The following TMF1 variants were observed in gnomAD, a reference collection of about 807,000 sequenced individuals.
The protein encoded by TMF1 is TATA element modulatory factor 1.
A neutral mutation model predicts 126.5 loss-of-function variants in TMF1; 71 were observed. The observed-to-expected ratio is 0.56, with a 90% CI of 0.46 to 0.68. TMF1 has a LOEUF of 0.68. Among genes scored for constraint, TMF1 ranks in the 30% least tolerant of loss-of-function variants. The pLI is 0.00. For synonymous variants in TMF1, 461 were observed against 430.5 expected, an observed-to-expected ratio of 1.07 and a Z score of -0.88; for missense variants, 1,259 against 1,253.2, an observed-to-expected ratio of 1.00 and a Z score of -0.07.
chr3:69,025,665 A>G lies in TMF1; in HGVS notation c.2907T>C (p.Asn969=), dbSNP rs1172088012. ...TTACAGCATCATAAAGATTGCTTCC[A>G]TTTGCTGATATAGGCATTGGTCCAA... ...HSFGPMPISA[N]GSNLYDAVRM... is the part of the protein sequence containing the mutation. Residue 969 remains asparagine, a synonymous_variant, in exon 15 of 17, where the codon AAT becomes AAC. Transcript: ENST00000398559. 1 of 1,614,044 alleles carries G rather than the reference A, an allele frequency of 6.2e-7. No homozygotes were observed. The highest frequency in any genetic ancestry group is 8.5e-7 in the Non-Finnish European group (1 of 1,179,956).
chr3:69,047,120 CT>C (rs1455123144), intron 2 of TMF1, among the ~76,000 whole-genome samples: 1 of 152,138 alleles, frequency 6.6e-6, no homozygotes, highest in African/African-American at 2.4e-5. Flanking sequence ...AAGATGAAAA[CT>C]TTCATGCTTA....
At chr3:69,043,905 G>T (rs745986945) in intron 3 of TMF1, 29 bp from the exon 4 acceptor site, 1 of 1,577,770 alleles carries the variant, frequency 6.3e-7, no homozygotes, top group Non-Finnish European at 8.6e-7. Flanking sequence ...TTGAGAATGA[G>T]GATGGTGTCT....
In TMF1 at chr3:69,022,598, C is replaced by G. The variant is rs1575805698; in HGVS notation, c.*579G>C. 6.6e-6 allele frequency: 1 copy of G among 152,504 alleles called. No individual in the cohort carries two copies. The allele number at this position is 152,504 out of a possible 1,614,324, so 9.4% of individuals were successfully genotyped here. A position where few individuals can be genotyped will look rare whatever the true frequency, so the allele number is the denominator to read the frequency against. On this transcript the variant is annotated 3_prime_UTR_variant, in exon 17 of 17. Transcript: ENST00000398559. The stretch of plus-strand genomic sequence containing the variant: ...TTTTTTTAAGTTTAAATCATTCACT[C>G]TTTAAATTTCAGACAGTGTCAGTGT...
intron 5 of TMF1, 168 bp downstream of exon 5, chr3:69,042,639 A>G (rs1359628553): frequency 1.4e-6 from 1 of 706,202 alleles, no homozygotes; most frequent in South Asian, 1.5e-5. Context: ...CTCTGTCTCA[A>G]TATATCTTAT....
intron 10 of TMF1, among the ~76,000 whole-genome samples, chr3:69,031,639 A>C (rs2091803387): frequency 6.6e-6 from 1 of 152,222 alleles, no homozygotes; most frequent in East Asian, 1.9e-4. Flanking sequence ...AAAAATTTTC[A>C]ATTGAAAAAA....
intron 3 of TMF1, 143 bp from the exon 4 acceptor site, chr3:69,044,019 A>C: frequency 1.9e-6 from 1 of 529,094 alleles, no homozygotes; most frequent in African/African-American, 2.0e-5. Flanking sequence ...ATTAACTTTT[A>C]AGAAAAAAAA....
rs2091904415 is a variant in TMF1 at position 69,047,859 on chromosome 3, T to G, written c.846A>C (p.Ser282=). ...TCTGCATCAAGTGAAGACTTGATTT[T>G]GAATCTGTAGTCTCTTGTCTCGAGC... is the stretch of plus-strand genomic sequence containing the variant. ...SASSRQETTD[S]KSSLHLMQTS... The change falls in exon 2 of 17, where the codon TCA becomes TCC. Residue 282 remains serine (S), a synonymous_variant. Coordinates refer to ENST00000398559, the MANE Select transcript of TMF1 (RefSeq NM_007114.3). 1 of 1,614,064 alleles carries G rather than the reference T, an allele frequency of 6.2e-7. No homozygotes were observed.
In TMF1 at chr3:69,052,267, G is replaced by A; in HGVS notation, c.-181C>T. The A allele has an allele frequency of 1.7e-6, 1 of 576,444 alleles. No homozygotes were observed. Among genetic ancestry groups the A allele is most frequent in the Non-Finnish European group, 2.9e-6 (1 of 348,044 alleles). 35.7% of individuals were successfully genotyped at this position (576,444 alleles called of 1,614,324 possible). A position where few individuals can be genotyped will look rare whatever the true frequency, so the allele number is the denominator to read the frequency against. On this transcript the variant is annotated 5_prime_UTR_variant, in exon 1 of 17. Coordinates refer to ENST00000398559, the MANE Select transcript of TMF1 (RefSeq NM_007114.3). ...TGTTACCCTCGGCCGTTCCCGCACAGCTGAGACGAAGGGGGCCCATGTGCG... is the reference window on the plus strand; with the variant it reads ...TGTTACCCTCGGCCGTTCCCGCACAACTGAGACGAAGGGGGCCCATGTGCG...
At chr3:69,050,157 G>A (rs765967390) in intron 1 of TMF1, among the ~76,000 whole-genome samples, 3 of 151,894 alleles carry the variant, frequency 2.0e-5, no homozygotes, top group Non-Finnish European at 4.4e-5. Flanking sequence ...CTACTCGGGA[G>A]GTTGAGGCAC....
chr3:69,024,266 TGG>T lies in TMF1; in HGVS notation c.3013-88_3013-87del. The T allele has an allele frequency of 9.2e-6, 11 of 1,192,458 alleles. No individual in the cohort carries two copies. The East Asian group carries it at 1.4e-4, about 15-fold the overall frequency. 73.9% of individuals were successfully genotyped at this position (1,192,458 alleles called of 1,614,324 possible). A position where few individuals can be genotyped will look rare whatever the true frequency, so the allele number is the denominator to read the frequency against. On this transcript the variant is annotated intron_variant, in intron 15 of 16. Coordinates refer to ENST00000398559, the MANE Select transcript of TMF1 (RefSeq NM_007114.3). ...AATATAAAAATATTTAATGTGTGTG[TGG>T]TTTTTTTTTTTTTTTTGAAATAGAC... is the stretch of plus-strand genomic sequence containing the variant.
Position 69,048,055 on chromosome 3 carries a change from G to A in TMF1, c.650C>T (p.Ser217Phe). The A allele has an allele frequency of 6.2e-7, 1 of 1,614,090 alleles. No homozygotes were observed. The highest frequency in any genetic ancestry group is 1.7e-5 in the Admixed American group (1 of 60,022). Reference sequence around the variant, plus strand: ...TATGTCCTTTGTTTCTGCTGTGAGAGACTGCGTAGACGTATTAGATATACT... The same window carrying A: ...TATGTCCTTTGTTTCTGCTGTGAGAAACTGCGTAGACGTATTAGATATACT... ...MESISNTSTQ[S>F]LTAETKDIAL... The change falls in exon 2 of 17, where the codon TCT (serine) becomes TTT (phenylalanine). Residue 217 changes from serine to phenylalanine, a missense_variant. By Grantham distance (155) the Ser-to-Phe change is radical. Transcript: ENST00000398559.
At position 69,023,092 on chromosome 3, in the gene TMF1, A is replaced by G. The variant is rs1425833205; in HGVS notation, c.*85T>C. The G allele has an allele frequency of 7.5e-7, 1 of 1,332,800 alleles. No individual in the cohort carries two copies. 82.6% of individuals were successfully genotyped at this position (1,332,800 alleles called of 1,614,324 possible). ...ACAGTAAATCCCACTTTCTAATTCT[A>G]TAAAAGAATTTATTGGAAGTCCACA... On this transcript the variant is annotated 3_prime_UTR_variant, in exon 17 of 17. Transcript: ENST00000398559.
At chr3:69,051,270 A>C (rs1159325388) in intron 1 of TMF1, among the ~76,000 whole-genome samples, 1 of 152,028 alleles carries the variant, frequency 6.6e-6, no homozygotes, top group Non-Finnish European at 1.5e-5. Context: ...TTAAGTCAGG[A>C]GTTCCACCAG....
At chr3:69,049,857 G>T (rs530684331) in intron 1 of TMF1, among the ~76,000 whole-genome samples, 2 of 152,072 alleles carry the variant, frequency 1.3e-5, no homozygotes, top group African/African-American at 4.8e-5. Context: ...ATTAAAATGT[G>T]GCTGAACAAA....
intron 3 of TMF1, 72 bp from the exon 4 acceptor site, chr3:69,043,948 TC>T: frequency 7.8e-7 from 1 of 1,275,654 alleles, no homozygotes; most frequent in Non-Finnish European, 1.1e-6. Context: ...AGTTCAATTC[TC>T]AAAAGGAAGA....
intron 10 of TMF1, among the ~76,000 whole-genome samples, chr3:69,031,728 T>TA (rs1260722077): frequency 6.6e-6 from 1 of 152,200 alleles, no homozygotes. Flanking sequence ...GAGCTAGTAA[T>TA]ACCTCTATTT....
chr3:69,047,501 G>C lies in TMF1; in HGVS notation c.1204C>G (p.Pro402Ala). The C allele has an allele frequency of 6.2e-7, 1 of 1,614,180 alleles. No individual in the cohort carries two copies. Among genetic ancestry groups the C allele is most frequent in the Non-Finnish European group, 8.5e-7 (1 of 1,180,038 alleles). The change falls in exon 2 of 17, where the codon CCT (proline) becomes GCT (alanine). Residue 402 changes from proline to alanine, a missense_variant. By Grantham distance (27) the Pro-to-Ala change is conservative. Coordinates refer to ENST00000398559, the MANE Select transcript of TMF1 (RefSeq NM_007114.3). ...EMEESGRSAT[P>A]VNCEQPDILV... Reference sequence around the variant, plus strand: ...ATATCAGGCTGTTCACAGTTAACAGGAGTTGCACTTCGTCCACTTTCTTCC... The same window carrying C: ...ATATCAGGCTGTTCACAGTTAACAGCAGTTGCACTTCGTCCACTTTCTTCC...
Position 69,035,120 on chromosome 3 carries a change from A to G in TMF1, c.2152-5T>C. The G allele has an allele frequency of 6.2e-7, 1 of 1,612,156 alleles. No individual in the cohort carries two copies. Among genetic ancestry groups the G allele is most frequent in the South Asian group, 1.1e-5 (1 of 90,940 alleles). ...TGCAAGCCTAAGGTCCCCCACCTGT[A>G]GGAGGAGAAACAATACATTCACAAA... On this transcript the variant is annotated splice_region_variant and splice_polypyrimidine_tract_variant and intron_variant, in intron 8 of 16. Transcript: ENST00000398559.
chr3:69,028,454 C>T (rs2107456309), intron 11 of TMF1, among the ~76,000 whole-genome samples, 159 bp from the exon 12 acceptor site: 1 of 152,316 alleles, frequency 6.6e-6, no homozygotes, highest in African/African-American at 2.4e-5. Flanking sequence ...TTCCAGATCC[C>T]ATCTGAGTTT....
Sources: allele counts gnomAD v4.1 joint callset (sites outside exome capture counted in the v4.1 genomes callset), GRCh38; gene constraint gnomAD v4.1.1; transcripts MANE v1.5; gene names NCBI Gene and HGNC (gene_info 2026-07-23, HGNC 2026-07-21).